The following TRPC3 variants were observed in gnomAD, a reference collection of about 807,000 sequenced individuals.
The protein encoded by TRPC3 is transient receptor potential cation channel subfamily C member 3, also known as short transient receptor potential channel 3.
In TRPC3, 54 loss-of-function variants were observed where a neutral mutation model predicts 90.9. That is an observed-to-expected ratio of 0.59 (90% CI 0.48 to 0.75). TRPC3 has a LOEUF of 0.75. Among genes scored for constraint, TRPC3 ranks in the 30% least tolerant of loss-of-function variants. The pLI is 0.00. For missense variants in TRPC3, 918 were observed against 1,194.5 expected (o/e 0.77, Z 3.41); for synonymous variants, 424 against 450.9 (o/e 0.94, Z 0.75).
intron 1 of TRPC3, among the ~76,000 whole-genome samples, chr4:121,939,208 G>A (rs1427415503): frequency 6.6e-6 from 1 of 152,122 alleles, no homozygotes; most frequent in Admixed American, 6.5e-5. Flanking sequence ...AGGGGAGTTC[G>A]AGAAGATACA....
At chr4:121,899,719 A>AG in intron 9 of TRPC3, 24 bp from the exon 10 acceptor site, 1 of 1,507,868 alleles carries the variant, frequency 6.6e-7, no homozygotes, top group African/African-American at 1.4e-5. Context: ...CAATTAACCT[A>AG]GTAAATTAGA....
intron 1 of TRPC3, among the ~76,000 whole-genome samples, chr4:121,944,415 T>TG (rs1359854992): frequency 1.5e-4 from 4 of 25,922 alleles, no homozygotes; most frequent in Non-Finnish European, 2.5e-4. Flanking sequence ...AACTGGGGGG[T>TG]GGGGGGAGGG....
intron 10 of TRPC3, among the ~76,000 whole-genome samples, chr4:121,892,584 T>C (rs576646713): frequency 6.8e-4 from 104 of 152,288 alleles, no homozygotes; most frequent in African/African-American, 2.3e-3. Context: ...TAAATTTCTA[T>C]TTTCTTTTAG....
chr4:121,900,527 T>G (rs1445596531), intron 9 of TRPC3, among the ~76,000 whole-genome samples: 1 of 152,220 alleles, frequency 6.6e-6, no homozygotes, highest in Admixed American at 6.5e-5. Context: ...CTTACAATTG[T>G]GCCTGGAGAA....
At chr4:121,883,512 G>A (rs1728011739) in intron 10 of TRPC3, among the ~76,000 whole-genome samples, 1 of 151,952 alleles carries the variant, frequency 6.6e-6, no homozygotes. Context: ...AAACGTGAAG[G>A]GTCAACAAGC....
At chr4:121,891,110 A>G (rs940593731) in intron 10 of TRPC3, among the ~76,000 whole-genome samples, 1 of 152,176 alleles carries the variant, frequency 6.6e-6, no homozygotes, top group Non-Finnish European at 1.5e-5. Flanking sequence ...GGGGCATTCA[A>G]ACTAAAACCT....
chr4:121,943,517 A>G (rs1730389805), intron 1 of TRPC3, among the ~76,000 whole-genome samples: 1 of 152,180 alleles, frequency 6.6e-6, no homozygotes, highest in African/African-American at 2.4e-5. Context: ...TTAGTAATTA[A>G]ACAAATCTCA....
intron 3 of TRPC3, among the ~76,000 whole-genome samples, chr4:121,921,131 T>A (rs1347991189): frequency 1.3e-5 from 2 of 152,208 alleles, no homozygotes; most frequent in African/African-American, 4.8e-5. Context: ...CATGCCTTGA[T>A]TTCTAGGAAA....
At chr4:121,942,977 A>G (rs555041672) in intron 1 of TRPC3, among the ~76,000 whole-genome samples, 1 of 152,312 alleles carries the variant, frequency 6.6e-6, no homozygotes, top group East Asian at 1.9e-4. Flanking sequence ...TAACTCCATT[A>G]AACCAACTAC....
intron 5 of TRPC3, 95 bp from the exon 6 acceptor site, chr4:121,910,482 C>G: frequency 1.1e-6 from 1 of 916,722 alleles, no homozygotes; most frequent in South Asian, 1.5e-5. Flanking sequence ...CTCTACCCTA[C>G]ACGTCAAGCA....
chr4:121,898,873 TAAAAA>T (rs887836411), intron 10 of TRPC3, among the ~76,000 whole-genome samples: 1 of 151,856 alleles, frequency 6.6e-6, no homozygotes, highest in African/African-American at 2.4e-5. Context: ...AAAATTTTCT[TAAAAA>T]AAAGACTTTG....
At chr4:121,919,259 C>G (rs1179940640) in intron 3 of TRPC3, among the ~76,000 whole-genome samples, 2 of 152,186 alleles carry the variant, frequency 1.3e-5, no homozygotes, top group Non-Finnish European at 2.9e-5. Context: ...TGTTTTTCAT[C>G]AAATCAGCCT....
chr4:121,882,242 G>A (rs1727968545), intron 11 of TRPC3, 112 bp downstream of exon 11: 4 of 824,160 alleles, frequency 4.9e-6, no homozygotes, highest in African/African-American at 1.8e-5. Flanking sequence ...CCATCTTAGA[G>A]GCATCCAAAC....
At chr4:121,922,544 C>G (rs1432663292) in intron 3 of TRPC3, among the ~76,000 whole-genome samples, 4 of 152,212 alleles carry the variant, frequency 2.6e-5, no homozygotes, top group Non-Finnish European at 5.9e-5. Context: ...ACTTTGTAAC[C>G]TACATGCCAA....
chr4:121,949,552 TCTC>T (rs2149159167), intron 1 of TRPC3, among the ~76,000 whole-genome samples: 2 of 152,158 alleles, frequency 1.3e-5, no homozygotes, highest in East Asian at 3.9e-4. Context: ...GTGGCCGGAT[TCTC>T]CTCAAAGGTG....
chr4:121,928,811 A>G (rs929644877), intron 2 of TRPC3, among the ~76,000 whole-genome samples: 2 of 152,208 alleles, frequency 1.3e-5, no homozygotes, highest in African/African-American at 4.8e-5. Flanking sequence ...ATGTTTAATT[A>G]CCATTCTAAT....
At chr4:121,926,888 A>G (rs1350155119) in intron 2 of TRPC3, among the ~76,000 whole-genome samples, 2 of 152,202 alleles carry the variant, frequency 1.3e-5, no homozygotes, top group East Asian at 1.9e-4. Flanking sequence ...CCCAGCCCAC[A>G]TGTCCTGATT....
At chr4:121,934,682 G>A (rs1730067183) in intron 1 of TRPC3, among the ~76,000 whole-genome samples, 1 of 152,178 alleles carries the variant, frequency 6.6e-6, no homozygotes, top group South Asian at 2.1e-4. Flanking sequence ...GGGTGCCTGG[G>A]GTGGATGACT....
At chr4:121,883,744 A>G (rs1440713301) in intron 10 of TRPC3, among the ~76,000 whole-genome samples, 5 of 152,166 alleles carry the variant, frequency 3.3e-5, no homozygotes, top group Admixed American at 3.3e-4. Context: ...ATTTCTATTA[A>G]CAAAATTTTA....
Sources: gnomAD v4.1 joint callset for allele counts (sites outside exome capture counted in the v4.1 genomes callset) on GRCh38, gnomAD v4.1.1 for gene constraint, MANE v1.5 for transcripts, NCBI Gene and HGNC (gene_info 2026-07-23, HGNC 2026-07-21) for gene names.